The following ZFPM2 variants were observed in gnomAD, a reference collection of about 807,000 sequenced individuals.
ZFPM2 encodes the protein zinc finger protein, FOG family member 2.
A neutral mutation model predicts 98.6 loss-of-function variants in ZFPM2; 20 were observed. That is an observed-to-expected ratio of 0.20 (90% CI 0.14 to 0.29). The LOEUF (loss-of-function observed/expected upper bound fraction) is 0.29, where lower values mean the gene tolerates loss of function less well. Among genes scored for constraint, ZFPM2 ranks in the 10% least tolerant of loss-of-function variants. The pLI is 1.00. For synonymous variants in ZFPM2, 518 were observed against 502.7 expected, an observed-to-expected ratio of 1.03 and a Z score of -0.41; for missense variants, 1,310 against 1,388.6, an observed-to-expected ratio of 0.94 and a Z score of 0.90.
chr8:105,477,419 A>G (rs1157257259), intron 3 of ZFPM2, among the ~76,000 whole-genome samples: 2 of 151,320 alleles, frequency 1.3e-5, no homozygotes, highest in African/African-American at 4.9e-5. Flanking sequence ...TAATTTTTGT[A>G]TTTTTAGTAA....
chr8:105,787,420 C>T (rs1205305806), intron 5 of ZFPM2: 2 of 152,170 alleles, frequency 1.3e-5, no homozygotes, highest in Non-Finnish European at 2.9e-5. Flanking sequence ...CAATCATATA[C>T]TCTCACAGAT....
intron 1 of ZFPM2, among the ~76,000 whole-genome samples, chr8:105,405,301 T>G (rs1159208106): frequency 1.3e-5 from 2 of 152,000 alleles, no homozygotes; most frequent in African/African-American, 4.8e-5. Context: ...TTATTATACT[T>G]TAAGTTTTAG....
At chr8:105,371,235 G>T (rs1810616210) in intron 1 of ZFPM2, among the ~76,000 whole-genome samples, 1 of 152,168 alleles carries the variant, frequency 6.6e-6, no homozygotes, top group African/African-American at 2.4e-5. Context: ...AAACAAAATT[G>T]TATAACGAGG....
chr8:105,797,618 C>T (rs1350530654), intron 6 of ZFPM2, among the ~76,000 whole-genome samples: 1 of 152,190 alleles, frequency 6.6e-6, no homozygotes, highest in East Asian at 1.9e-4. Context: ...CTCCGTGCCT[C>T]AACAGTACAG....
intron 3 of ZFPM2, among the ~76,000 whole-genome samples, chr8:105,465,451 CTTTTA>C (rs1233201151): frequency 2.0e-5 from 3 of 151,878 alleles, no homozygotes; most frequent in Admixed American, 1.3e-4. Context: ...ATACAAGCAT[CTTTTA>C]TTTAGTATAA....
At chr8:105,427,943 T>C (rs1438344258) in intron 2 of ZFPM2, among the ~76,000 whole-genome samples, 3 of 152,220 alleles carry the variant, frequency 2.0e-5, no homozygotes, top group Non-Finnish European at 4.4e-5. Context: ...TTCCTGTGTA[T>C]GTATCATCTC....
At chr8:105,396,214 G>A (rs1428907370) in intron 1 of ZFPM2, among the ~76,000 whole-genome samples, 1 of 152,170 alleles carries the variant, frequency 6.6e-6, no homozygotes, top group Non-Finnish European at 1.5e-5. Context: ...TGTGTTGAGG[G>A]GGGTGGCATT....
chr8:105,512,497 T>C (rs143357106), intron 3 of ZFPM2, among the ~76,000 whole-genome samples: 17 of 152,328 alleles, frequency 1.1e-4, no homozygotes, highest in African/African-American at 4.1e-4. Flanking sequence ...TGTAAAAGAT[T>C]AGTTTTATGC....
At chr8:105,418,252 G>A (rs1811719591) in intron 1 of ZFPM2, among the ~76,000 whole-genome samples, 1 of 152,152 alleles carries the variant, frequency 6.6e-6, no homozygotes, top group East Asian at 1.9e-4. Flanking sequence ...TGTGTTCTTT[G>A]GATAAAATGC....
At chr8:105,758,878 T>G (rs531115972) in intron 5 of ZFPM2, among the ~76,000 whole-genome samples, 1 of 152,058 alleles carries the variant, frequency 6.6e-6, no homozygotes, top group East Asian at 1.9e-4. Context: ...CCCAGAGTCA[T>G]TATAGGAAAC....
At chr8:105,372,104 G>T (rs534743707) in intron 1 of ZFPM2, among the ~76,000 whole-genome samples, 1 of 151,634 alleles carries the variant, frequency 6.6e-6, no homozygotes, top group Non-Finnish European at 1.5e-5. Flanking sequence ...GTGCAGTGGC[G>T]TGATCTCGGC....
intron 1 of ZFPM2, among the ~76,000 whole-genome samples, chr8:105,351,501 A>C (rs533455532): frequency 6.6e-6 from 1 of 152,160 alleles, no homozygotes; most frequent in Admixed American, 6.5e-5. Context: ...TTTTAGGTGC[A>C]AATTCAACTT....
intron 5 of ZFPM2, among the ~76,000 whole-genome samples, chr8:105,760,669 T>A (rs1345354228): frequency 3.3e-5 from 5 of 152,028 alleles, no homozygotes; most frequent in African/African-American, 1.2e-4. Context: ...AACTGTGACA[T>A]CTTTAGGGAT....
At chr8:105,666,602 A>G (rs1212084960) in intron 5 of ZFPM2, among the ~76,000 whole-genome samples, 1 of 152,224 alleles carries the variant, frequency 6.6e-6, no homozygotes, top group Non-Finnish European at 1.5e-5. Context: ...ATAGACCACT[A>G]GAGGGTCCTA....
chr8:105,555,453 C>T (rs943501154), intron 3 of ZFPM2, among the ~76,000 whole-genome samples: 4 of 152,054 alleles, frequency 2.6e-5, no homozygotes, highest in African/African-American at 9.7e-5. Context: ...AGACAACTCT[C>T]TTTTGTCTCC....
chr8:105,471,846 A>G (rs1195699368), intron 3 of ZFPM2, among the ~76,000 whole-genome samples: 1 of 152,238 alleles, frequency 6.6e-6, no homozygotes, highest in African/African-American at 2.4e-5. Context: ...CTCTTATCAG[A>G]TAAGGAGACC....
At chr8:105,652,402 A>G (rs1004809351) in intron 5 of ZFPM2, among the ~76,000 whole-genome samples, 6 of 150,902 alleles carry the variant, frequency 4.0e-5, no homozygotes, top group African/African-American at 1.5e-4. Context: ...AAGACTGTCA[A>G]ACAACAGTAG....
At chr8:105,714,437 C>A (rs557811542) in intron 5 of ZFPM2, among the ~76,000 whole-genome samples, 3 of 151,958 alleles carry the variant, frequency 2.0e-5, no homozygotes, top group Non-Finnish European at 4.4e-5. Context: ...TTTCTCCTAT[C>A]TTTTTTGGAT....
intron 5 of ZFPM2, among the ~76,000 whole-genome samples, chr8:105,756,339 G>A (rs1812597208): frequency 6.6e-6 from 1 of 152,144 alleles, no homozygotes; most frequent in African/African-American, 2.4e-5. Context: ...CGAAATGTAG[G>A]TGGCTCTAAA....
Sources: allele counts gnomAD v4.1 joint callset (sites outside exome capture counted in the v4.1 genomes callset), GRCh38; gene constraint gnomAD v4.1.1; transcripts MANE v1.5; gene names NCBI Gene and HGNC (gene_info 2026-07-23, HGNC 2026-07-21).